Variants in PTPN3 observed in about 807,000 individuals in gnomAD.
The protein encoded by PTPN3 is tyrosine-protein phosphatase non-receptor type 3.
Under a neutral mutation model 132.7 loss-of-function variants are expected in PTPN3, and 96 were observed. The observed-to-expected ratio is 0.72, with a 90% confidence interval of 0.61 to 0.86. The LOEUF (loss-of-function observed/expected upper bound fraction) is 0.86. Among genes scored for constraint, PTPN3 ranks in the 40% least tolerant of loss-of-function variants. PTPN3 has a pLI of 0.00. For missense variants in PTPN3, 1,125 were observed against 1,159.6 expected (o/e 0.97, Z 0.43); for synonymous variants, 398 against 429.0 (o/e 0.93, Z 0.89).
At chr9:109,536,546 G>A in the PTPN3 span, among the ~76,000 whole-genome samples, 1 of 152,238 alleles carries the variant, frequency 6.6e-6, no homozygotes, top group Non-Finnish European at 1.5e-5. Context: ...GGCAAGGACT[G>A]TGCCATCTGT....
At chr9:109,408,788 A>ATATAT (rs1300361920) in intron 16 of PTPN3, among the ~76,000 whole-genome samples, 908 of 52,784 alleles carry the variant, frequency 0.017, 6 homozygotes, top group Admixed American at 0.063. Context: ...AATTAAAAAA[A>ATATAT]AAAAAAAAAT....
At chr9:109,432,770 G>A (rs1275298020) in intron 10 of PTPN3, among the ~76,000 whole-genome samples, 1 of 152,168 alleles carries the variant, frequency 6.6e-6, no homozygotes, top group African/African-American at 2.4e-5. Context: ...TCTGAATTCT[G>A]ACCAATGTAC....
At chr9:109,443,283 C>T (rs1050140557) in intron 7 of PTPN3, among the ~76,000 whole-genome samples, 1 of 151,934 alleles carries the variant, frequency 6.6e-6, no homozygotes, top group African/African-American at 2.4e-5. Context: ...CATAGTGTTG[C>T]CCATGCCAGT....
rs1360271948 is a variant in PTPN3 at position 109,449,822 on chromosome 9, C to T, written c.369-967G>A. On this transcript the variant is annotated intron_variant, in intron 5 of 25. Transcript: ENST00000374541. ...TTTCACAATTGAAACAAATCAGTTT[C>T]ATTATTCCTTCAAATTTATAAAGGC... is the stretch of plus-strand genomic sequence containing the variant. 4 of 985,398 alleles carry T rather than the reference C, an allele frequency of 4.1e-6. No homozygotes were observed. In the East Asian group the frequency reaches 4.5e-4, roughly 112 times the overall value. The allele number at this position is 985,398 out of a possible 1,614,324, so 61.0% of individuals were successfully genotyped here.
At chr9:109,430,230 T>C (rs1451587819) in intron 10 of PTPN3, among the ~76,000 whole-genome samples, 2 of 152,184 alleles carry the variant, frequency 1.3e-5, no homozygotes, top group Non-Finnish European at 2.9e-5. Flanking sequence ...CAAAAATTCC[T>C]GTTCTGCAGA....
chr9:109,400,177 T>C (rs1840968309), intron 19 of PTPN3, among the ~76,000 whole-genome samples: 1 of 152,142 alleles, frequency 6.6e-6, no homozygotes, highest in Admixed American at 6.5e-5. Context: ...ATCCCCCTGT[T>C]TTGGCCTCCC....
At chr9:109,491,913 G>A (rs1324211419) in intron 1 of PTPN3, among the ~76,000 whole-genome samples, 3 of 152,222 alleles carry the variant, frequency 2.0e-5, no homozygotes, top group African/African-American at 7.2e-5. Context: ...AGAAAAATAG[G>A]AGTGTATGGA....
At chr9:109,492,258 G>T (rs1847495335) in intron 1 of PTPN3, among the ~76,000 whole-genome samples, 1 of 151,978 alleles carries the variant, frequency 6.6e-6, no homozygotes, top group Non-Finnish European at 1.5e-5. Context: ...AGCTGATGTG[G>T]CTGAGGGAGG....
intron 22 of PTPN3, among the ~76,000 whole-genome samples, chr9:109,388,273 A>G (rs759115341): frequency 2.6e-5 from 4 of 152,198 alleles, no homozygotes; most frequent in Admixed American, 1.3e-4. Context: ...AAGAGTTTGC[A>G]ACAGAAGAGG....
At chr9:109,405,924 C>T (rs576661305) in intron 18 of PTPN3, among the ~76,000 whole-genome samples, 32 of 152,264 alleles carry the variant, frequency 2.1e-4, no homozygotes, top group African/African-American at 7.0e-4. Context: ...CCTGTGAAGT[C>T]GGGACCACTG....
chr9:109,376,799 G>GTAATAGC lies in PTPN3; in HGVS notation c.*2750_*2756dup, dbSNP rs1421579891. ...AATCTTGAGCTACGGATTTTAAGTG[G>GTAATAGC]TAATAGCTACAGGATTTACTTGAAT... On this transcript the variant is annotated 3_prime_UTR_variant, in exon 26 of 26. Transcript: ENST00000374541. The GTAATAGC allele has an allele frequency of 6.6e-6, 1 of 152,210 alleles. No individual in the cohort carries two copies. Among genetic ancestry groups the GTAATAGC allele is most frequent in the Non-Finnish European group, 1.5e-5 (1 of 68,042 alleles). The allele number at this position is 152,210 out of a possible 1,614,324, so 9.4% of individuals were successfully genotyped here. A position where few individuals can be genotyped will look rare whatever the true frequency, so the allele number is the denominator to read the frequency against.
intron 25 of PTPN3, among the ~76,000 whole-genome samples, chr9:109,380,706 T>C (rs56278500): frequency 0.11 from 16,565 of 152,220 alleles, 973 homozygotes; most frequent in South Asian, 0.24. Flanking sequence ...CAAACTAATA[T>C]AAAACTACCA....
intron 1 of PTPN3, among the ~76,000 whole-genome samples, chr9:109,497,583 G>A (rs1847725397): frequency 6.6e-6 from 1 of 152,138 alleles, no homozygotes; most frequent in African/African-American, 2.4e-5. Flanking sequence ...GTAAGTTTAG[G>A]TAGCTGAAAA....
intron 14 of PTPN3, among the ~76,000 whole-genome samples, chr9:109,414,193 GA>G (rs1356481310): frequency 6.6e-6 from 1 of 152,226 alleles, no homozygotes; most frequent in Non-Finnish European, 1.5e-5. Flanking sequence ...ATTTACTCAG[GA>G]ATCTGGAAGC....
intron 10 of PTPN3, among the ~76,000 whole-genome samples, chr9:109,431,673 A>T (rs1326327327): frequency 6.6e-6 from 1 of 152,246 alleles, no homozygotes; most frequent in African/African-American, 2.4e-5. Flanking sequence ...AAATAGATAT[A>T]TTGAAACTTA....
chr9:109,435,355 G>A (rs1588422063), intron 9 of PTPN3, among the ~76,000 whole-genome samples: 1 of 152,108 alleles, frequency 6.6e-6, no homozygotes, highest in African/African-American at 2.4e-5. Context: ...TGTCTCTTTT[G>A]GGCTGAAGCA....
the PTPN3 span, among the ~76,000 whole-genome samples, chr9:109,509,111 C>A: frequency 6.6e-6 from 1 of 152,172 alleles, no homozygotes; most frequent in Non-Finnish European, 1.5e-5. Context: ...TAATTCCAAA[C>A]CAGCTCTGGG....
the PTPN3 span, among the ~76,000 whole-genome samples, chr9:109,526,963 A>T: frequency 1.3e-5 from 2 of 151,224 alleles, no homozygotes; most frequent in Admixed American, 6.6e-5. Context: ...GGATATCCAT[A>T]AAAAAAAAGA....
At chr9:109,432,717 G>A (rs113616036) in intron 10 of PTPN3, among the ~76,000 whole-genome samples, 3 of 152,106 alleles carry the variant, frequency 2.0e-5, no homozygotes, top group Admixed American at 2.0e-4. Context: ...AATAACCGAG[G>A]AACAGAAATG....
Sources: gnomAD v4.1 joint callset for allele counts (sites outside exome capture counted in the v4.1 genomes callset) on GRCh38, gnomAD v4.1.1 for gene constraint, MANE v1.5 for transcripts, NCBI Gene and HGNC (gene_info 2026-07-23, HGNC 2026-07-21) for gene names.